Variants in GALNT18 observed in about 807,000 individuals in gnomAD.
GALNT18 encodes the protein polypeptide N-acetylgalactosaminyltransferase 18, also known as GalNAc-transferase 18.
A neutral mutation model predicts 69.5 loss-of-function variants in GALNT18; 44 were observed. The ratio of observed to expected loss-of-function variants is 0.63; its 90% CI spans 0.50 to 0.81. The LOEUF is 0.81. Ranked by LOEUF, GALNT18 falls within the 40% of genes least tolerant of loss-of-function variation. The probability of loss-of-function intolerance (pLI) is 0.00; values close to 1 mark genes in which losing one functional copy is unlikely to be tolerated. For missense variants in GALNT18, 715 were observed against 810.0 expected (o/e 0.88, Z 1.42); for synonymous variants, 364 against 318.2 (o/e 1.14, Z -1.53).
chr11:11,571,148 G>C (rs188300291), intron 1 of GALNT18, among the ~76,000 whole-genome samples: 1 of 152,108 alleles, frequency 6.6e-6, no homozygotes, highest in Non-Finnish European at 1.5e-5. Flanking sequence ...CCATTTTACA[G>C]ATGAAAAAAA....
At chr11:11,473,459 G>A (rs1170411513) in intron 1 of GALNT18, among the ~76,000 whole-genome samples, 3 of 152,182 alleles carry the variant, frequency 2.0e-5, no homozygotes, top group South Asian at 2.1e-4. Flanking sequence ...CAATAGAGAT[G>A]CAAGATCCGA....
intron 3 of GALNT18, among the ~76,000 whole-genome samples, chr11:11,398,583 C>T (rs1196192653): frequency 3.3e-5 from 5 of 152,220 alleles, no homozygotes; most frequent in African/African-American, 1.2e-4. Context: ...CAATTAACTA[C>T]TCTGCTAAAA....
chr11:11,360,151 C>T (rs1295927770), intron 6 of GALNT18, among the ~76,000 whole-genome samples: 1 of 152,190 alleles, frequency 6.6e-6, no homozygotes, highest in African/African-American at 2.4e-5. Context: ...CAAGAGTGTA[C>T]ATCATTACAC....
chr11:11,380,817 CT>C (rs1468959011), intron 3 of GALNT18, among the ~76,000 whole-genome samples: 1 of 152,246 alleles, frequency 6.6e-6, no homozygotes, highest in Non-Finnish European at 1.5e-5. Context: ...TTTTTGTCCC[CT>C]GATTTCATTA....
At position 11,372,818 on chromosome 11, in the gene GALNT18, C is replaced by T. The variant is rs112828506; in HGVS notation, c.978-189G>A. The stretch of plus-strand genomic sequence containing the variant: ...ACCACTCCAGAAAGGCTGTTTCATC[C>T]GGGCAGTGGGTAGACAGCTGCCATC... On this transcript the variant is annotated intron_variant, in intron 5 of 10. Transcript: ENST00000227756. The surrounding 1 kb of genome is among the most constrained non-coding windows in gnomAD (Gnocchi z 4.9). Among the ~76,000 whole-genome samples the T allele has an allele frequency of 5.9e-4, 90 of 152,322 alleles. No homozygotes were observed. The highest frequency in any genetic ancestry group is 1.3e-3 in the African/African-American group (55 of 41,578).
rs1054302827 is a variant in GALNT18 at position 11,602,476 on chromosome 11, T to G, written c.235+18883A>C. 5.9e-5 allele frequency among the ~76,000 whole-genome samples: 9 copies of G among 152,268 alleles called. No homozygotes were observed. The East Asian group carries it at 1.7e-3, about 29-fold the overall frequency. On this transcript the variant is annotated intron_variant, in intron 1 of 10. Transcript: ENST00000227756. This position sits in a 1 kb window ranked among gnomAD's most constrained non-coding sequence, Gnocchi z 4.7. Reference sequence around the variant, plus strand: ...GGGAAAGCAGCACCCCGTCTTCTTGTCCATATCTGTCCAGAGGAGAGCTTC... The same window carrying G: ...GGGAAAGCAGCACCCCGTCTTCTTGGCCATATCTGTCCAGAGGAGAGCTTC...
chr11:11,299,865 C>A (rs1198953655), intron 9 of GALNT18, among the ~76,000 whole-genome samples: 3 of 152,176 alleles, frequency 2.0e-5, no homozygotes, highest in African/African-American at 4.8e-5. Flanking sequence ...TTTGGAGATT[C>A]CTTAAAGAAC....
At chr11:11,520,417 G>A (rs1857370185) in intron 1 of GALNT18, among the ~76,000 whole-genome samples, 1 of 152,176 alleles carries the variant, frequency 6.6e-6, no homozygotes, top group Non-Finnish European at 1.5e-5. Context: ...GTCAGCCACA[G>A]ACACAGCCCC....
intron 10 of GALNT18, among the ~76,000 whole-genome samples, chr11:11,276,114 G>A (rs932033431): frequency 3.9e-5 from 6 of 152,116 alleles, no homozygotes; most frequent in Non-Finnish European, 2.9e-5. Context: ...TCTACAAATT[G>A]CTTTGGGCAG....
intron 1 of GALNT18, among the ~76,000 whole-genome samples, chr11:11,545,590 C>T (rs901443275): frequency 1.3e-5 from 2 of 152,240 alleles, no homozygotes; most frequent in Non-Finnish European, 2.9e-5. Context: ...AGAAAAAAAT[C>T]ACCTTGTTGG....
At chr11:11,368,354 T>A (rs1418711774) in intron 6 of GALNT18, among the ~76,000 whole-genome samples, 1 of 152,232 alleles carries the variant, frequency 6.6e-6, no homozygotes, top group Admixed American at 6.5e-5. Flanking sequence ...GTGTCTTTTA[T>A]CAGTTTGGGA....
At chr11:11,336,889 A>T (rs1850123768) in intron 7 of GALNT18, among the ~76,000 whole-genome samples, 1 of 152,206 alleles carries the variant, frequency 6.6e-6, no homozygotes, top group African/African-American at 2.4e-5. Flanking sequence ...AGGCACGGAA[A>T]GAAGAGAAAG....
chr11:11,530,551 C>T (rs924504914), intron 1 of GALNT18, among the ~76,000 whole-genome samples: 6 of 152,182 alleles, frequency 3.9e-5, no homozygotes, highest in African/African-American at 7.2e-5. Context: ...CCCAAACAGG[C>T]GTGCCATAGG....
In GALNT18 at chr11:11,620,307, G is replaced by A. The variant is rs371864819; in HGVS notation, c.235+1052C>T. Among the ~76,000 whole-genome samples, 17 of 119,192 alleles carry A rather than the reference G, an allele frequency of 1.4e-4. No homozygotes were observed. Among genetic ancestry groups the A allele is most frequent in the African/African-American group, 4.8e-4 (15 of 31,214 alleles). 78.2% of individuals were successfully genotyped at this position (119,192 alleles called of 152,430 possible). ...AGGGGGCGCGGGGAGGGGAGGAAGT[G>A]TGGACGTGAGCGCGCGCGCGCGCGC... On this transcript the variant is annotated intron_variant, in intron 1 of 10. Coordinates refer to ENST00000227756, the MANE Select transcript of GALNT18 (RefSeq NM_198516.3). This position sits in a 1 kb window ranked among gnomAD's most constrained non-coding sequence, Gnocchi z 6.9.
intron 2 of GALNT18, among the ~76,000 whole-genome samples, chr11:11,438,512 A>G (rs1194795867): frequency 6.6e-6 from 1 of 152,158 alleles, no homozygotes; most frequent in Non-Finnish European, 1.5e-5. Flanking sequence ...CCTTTCTACA[A>G]TTCCGTACGG....
rs897291937 is a variant in GALNT18 at position 11,463,830 on chromosome 11, C to T, written c.236-14894G>A. Among the ~76,000 whole-genome samples the T allele has an allele frequency of 2.6e-5, 4 of 152,108 alleles. No individual in the cohort carries two copies. The highest frequency in any genetic ancestry group is 9.7e-5 in the African/African-American group (4 of 41,396). ...TATTTATCACATGAAAGATGTGAAA[C>T]CTTTATGCTGTCTCGACGCTCTGTA... On this transcript the variant is annotated intron_variant, in intron 1 of 10. Transcript: ENST00000227756. This position sits in a 1 kb window ranked among gnomAD's most constrained non-coding sequence, Gnocchi z 4.2.
At chr11:11,282,577 G>C (rs773719056) in intron 10 of GALNT18, among the ~76,000 whole-genome samples, 1 of 152,162 alleles carries the variant, frequency 6.6e-6, no homozygotes, top group South Asian at 2.1e-4. Context: ...TATGTTCCTC[G>C]CTAGGATGGT....
intron 1 of GALNT18, among the ~76,000 whole-genome samples, chr11:11,550,665 C>T (rs147861292): frequency 1.0e-3 from 158 of 152,260 alleles, no homozygotes; most frequent in African/African-American, 2.6e-3. Flanking sequence ...GGGAGTGTAC[C>T]GTCTGGAGCA....
chr11:11,526,639 A>G (rs1208110840), intron 1 of GALNT18, among the ~76,000 whole-genome samples: 1 of 152,202 alleles, frequency 6.6e-6, no homozygotes, highest in Non-Finnish European at 1.5e-5. Context: ...CTACACGTCC[A>G]TCAGGATCAC....
Sources: gnomAD v4.1 joint callset for allele counts (sites outside exome capture counted in the v4.1 genomes callset) on GRCh38, gnomAD v4.1.1 for gene constraint, Gnocchi (gnomAD v3.1) non-coding constraint, MANE v1.5 for transcripts, NCBI Gene and HGNC (gene_info 2026-07-23, HGNC 2026-07-21) for gene names.